ARMC2: variants seen among roughly 807,000 people sequenced by gnomAD.
The protein encoded by ARMC2 is armadillo repeat containing 2.
In ARMC2, 67 loss-of-function variants were observed where a neutral mutation model predicts 90.3. The ratio of observed to expected loss-of-function variants is 0.74; its 90% confidence interval spans 0.61 to 0.91. The LOEUF (loss-of-function observed/expected upper bound fraction) is 0.91, where lower values mean the gene tolerates loss of function less well. ARMC2 is among the 40% of genes least tolerant of loss of function. ARMC2 has a pLI of 0.00. For synonymous variants in ARMC2, 393 were observed against 393.0 expected, an observed-to-expected ratio of 1.00 and a Z score of 0.00; for missense variants, 920 against 1,030.9, an observed-to-expected ratio of 0.89 and a Z score of 1.47.
intron 13 of ARMC2, among the ~76,000 whole-genome samples, chr6:108,957,892 A>G (rs999341211): frequency 3.9e-5 from 6 of 152,122 alleles, no homozygotes; most frequent in African/African-American, 9.7e-5. Flanking sequence ...TATTGCCCCA[A>G]CTAGCTCCAA....
the ARMC2 span, chr6:109,001,262 C>T: frequency 6.2e-7 from 1 of 1,602,034 alleles, no homozygotes; most frequent in Non-Finnish European, 8.5e-7. Flanking sequence ...TAGGCAAAAA[C>T]AATTTTTCAC....
intron 10 of ARMC2, 57 bp from the exon 11 acceptor site, chr6:108,928,031 C>T (rs1264253420): frequency 1.3e-5 from 20 of 1,509,314 alleles, no homozygotes; most frequent in Admixed American, 4.1e-5. Context: ...TATGCTGTTT[C>T]GTGTGGTTAT....
the ARMC2 span, among the ~76,000 whole-genome samples, chr6:109,013,973 G>C: frequency 6.7e-6 from 1 of 149,714 alleles, no homozygotes; most frequent in African/African-American, 2.5e-5. Flanking sequence ...TTTTAGCACT[G>C]AACTTTAAAC....
the ARMC2 span, among the ~76,000 whole-genome samples, chr6:109,021,344 T>C: frequency 6.6e-6 from 1 of 152,190 alleles, no homozygotes; most frequent in African/African-American, 2.4e-5. Flanking sequence ...GTAAAATAAG[T>C]GTATAGATGT....
At chr6:108,935,006 A>G (rs954182313) in intron 11 of ARMC2, among the ~76,000 whole-genome samples, 10 of 152,066 alleles carry the variant, frequency 6.6e-5, no homozygotes, top group Admixed American at 1.3e-4. Flanking sequence ...GGAAACTGAG[A>G]CATAGAGAAG....
intron 8 of ARMC2, among the ~76,000 whole-genome samples, chr6:108,908,625 A>G (rs1311319528): frequency 2.0e-5 from 3 of 150,784 alleles, no homozygotes; most frequent in African/African-American, 4.9e-5. Flanking sequence ...GCACATGCCT[A>G]TAGTCCCAGC....
At chr6:108,993,110 T>C in the ARMC2 span, 11 of 486,662 alleles carry the variant, frequency 2.3e-5, no homozygotes, top group East Asian at 3.8e-4. Context: ...AAACTCATAG[T>C]TGAATTCTCT....
chr6:109,034,505 G>A, the ARMC2 span, among the ~76,000 whole-genome samples: 10 of 152,046 alleles, frequency 6.6e-5, no homozygotes, highest in African/African-American at 9.7e-5. Flanking sequence ...GATCAGCATC[G>A]TAGAAATGTG....
the ARMC2 span, among the ~76,000 whole-genome samples, chr6:109,044,251 G>A: frequency 7.2e-6 from 1 of 138,528 alleles, no homozygotes; most frequent in Non-Finnish European, 1.5e-5. Context: ...GGATACCAGG[G>A]CAGTGAGCCG....
At chr6:108,983,864 T>C in the ARMC2 span, among the ~76,000 whole-genome samples, 1 of 152,234 alleles carries the variant, frequency 6.6e-6, no homozygotes, top group Non-Finnish European at 1.5e-5. Context: ...TATTTGTGTC[T>C]TTAATTTCTT....
At chr6:109,038,825 A>T in the ARMC2 span, among the ~76,000 whole-genome samples, 1 of 151,914 alleles carries the variant, frequency 6.6e-6, no homozygotes, top group African/African-American at 2.4e-5. Context: ...TCTGACGGCA[A>T]TTGGGGCAGA....
intron 14 of ARMC2, 31 bp from the exon 15 acceptor site, chr6:108,961,983 C>G: frequency 6.9e-7 from 1 of 1,455,214 alleles, no homozygotes; most frequent in Non-Finnish European, 9.5e-7. Flanking sequence ...CTTAAATTCA[C>G]TGATTTAATT....
At chr6:108,896,342 C>G (rs1214577423) in intron 6 of ARMC2, among the ~76,000 whole-genome samples, 1 of 152,082 alleles carries the variant, frequency 6.6e-6, no homozygotes, top group African/African-American at 2.4e-5. Context: ...AACTGTGAAC[C>G]TAGATGAAAG....
chr6:108,851,110 G>A (rs374851633), intron 1 of ARMC2, among the ~76,000 whole-genome samples: 3 of 151,986 alleles, frequency 2.0e-5, no homozygotes, highest in African/African-American at 2.4e-5. Flanking sequence ...TTGATTTCTC[G>A]CCATTTAATT....
At chr6:108,948,107 T>G (rs1370033653) in intron 12 of ARMC2, among the ~76,000 whole-genome samples, 1 of 152,230 alleles carries the variant, frequency 6.6e-6, no homozygotes, top group African/African-American at 2.4e-5. Flanking sequence ...CAAATCTTTA[T>G]AGAATATTAA....
At chr6:108,854,747 AC>A (rs1774364634) in intron 2 of ARMC2, among the ~76,000 whole-genome samples, 1 of 151,982 alleles carries the variant, frequency 6.6e-6, no homozygotes, top group Admixed American at 6.6e-5. Context: ...CACCATTATC[AC>A]TCAAAGGCTG....
the ARMC2 span, among the ~76,000 whole-genome samples, chr6:109,046,140 C>A: frequency 1.3e-5 from 2 of 151,680 alleles, no homozygotes; most frequent in East Asian, 3.9e-4. Context: ...CCCTCTCATG[C>A]GGAGCCGAAG....
the ARMC2 span, chr6:109,009,074 T>C: frequency 1.2e-5 from 11 of 897,622 alleles, no homozygotes; most frequent in Non-Finnish European, 1.6e-5. Context: ...AGACTTTCAT[T>C]TACATGACCG....
chr6:108,937,091 T>G, intron 12 of ARMC2, 92 bp downstream of exon 12: 1 of 1,125,652 alleles, frequency 8.9e-7, no homozygotes, highest in Non-Finnish European at 1.2e-6. Flanking sequence ...TTTGAGTATA[T>G]AGGTTTCTAT....
Sources: gnomAD v4.1 joint callset for allele counts (sites outside exome capture counted in the v4.1 genomes callset) on GRCh38, gnomAD v4.1.1 for gene constraint, MANE v1.5 for transcripts, NCBI Gene and HGNC (gene_info 2026-07-23, HGNC 2026-07-21) for gene names.